The following ZSCAN10 variants were observed in gnomAD, a reference collection of about 807,000 sequenced individuals.
ZSCAN10 encodes the protein zinc finger and SCAN domain-containing protein 10.
A neutral mutation model predicts 63.7 loss-of-function variants in ZSCAN10; 52 were observed. The ratio of observed to expected loss-of-function variants is 0.82; its 90% CI spans 0.65 to 1.03. The LOEUF (loss-of-function observed/expected upper bound fraction) is 1.03, where lower values mean the gene tolerates loss of function less well. Among genes scored for constraint, ZSCAN10 ranks in the 50% least tolerant of loss-of-function variants. ZSCAN10 has a pLI of 0.00. For synonymous variants in ZSCAN10, 544 were observed against 479.6 expected (o/e 1.13, Z -1.76); for missense variants, 1,223 against 1,103.8 (o/e 1.11, Z -1.53).
chr16:3,091,846 G>A lies in ZSCAN10; in HGVS notation c.665-18C>T, dbSNP rs1318458255. 2 of 1,575,668 alleles carry A rather than the reference G, an allele frequency of 1.3e-6. No homozygotes were observed. The highest frequency in any genetic ancestry group is 2.3e-5 in the South Asian group (2 of 86,640). Reference sequence around the variant, plus strand: ...CTGGGGACCTGACGGCATTGGGGAAGAGGGGAGGAAGTGCTGTTAGAAGGC... The same window carrying A: ...CTGGGGACCTGACGGCATTGGGGAAAAGGGGAGGAAGTGCTGTTAGAAGGC... On this transcript the variant is annotated intron_variant, in intron 3 of 5. Transcript: ENST00000576985.
In ZSCAN10 at chr16:3,089,938, G is replaced by C. The variant is rs1424334545; in HGVS notation, c.1496C>G (p.Ala499Gly). The change falls in exon 6 of 6, where the codon GCC (alanine) becomes GGC (glycine). Residue 499 changes from alanine to glycine, a missense_variant. Ala to Gly is a moderately conservative substitution (Grantham distance 60). Transcript: ENST00000576985. The stretch of plus-strand genomic sequence containing the variant: ...GGAGGACCGGCGGTCCTTGTCCCTG[G>C]CGTGGATCCGCAGGTGGCGCTTGAG... Reference protein sequence around the residue: ...SSLKRHLRIHARDKDRRSSEG... With the variant: ...SSLKRHLRIHGRDKDRRSSEG... 6.5e-7 allele frequency: 1 copy of C among 1,539,532 alleles called. No homozygotes were observed. Among genetic ancestry groups the C allele is most frequent in the Admixed American group, 2.0e-5 (1 of 50,932 alleles).
intron 1 of ZSCAN10, among the ~76,000 whole-genome samples, chr16:3,097,579 T>G (rs777993996): frequency 6.6e-6 from 1 of 151,858 alleles, no homozygotes. Flanking sequence ...TGTGTGAGAG[T>G]GTAACCACCC....
chr16:3,091,892 T>G lies in ZSCAN10; in HGVS notation c.665-64A>C, dbSNP rs1031742164. On this transcript the variant is annotated intron_variant, in intron 3 of 5. Transcript: ENST00000576985. ...AAGGCAGCCCTGCCTGCCATATGGCTGCAAGGACACACACCGCATCATCCG... is the reference window on the plus strand; with the variant it reads ...AAGGCAGCCCTGCCTGCCATATGGCGGCAAGGACACACACCGCATCATCCG... 2.5e-6 allele frequency: 4 copies of G among 1,593,128 alleles called. No homozygotes were observed. The African/African-American group carries it at 4.1e-5, about 16-fold the overall frequency.
Position 3,089,209 on chromosome 16 carries a change from T to C in ZSCAN10, c.2225A>G (p.His742Arg). Residue 742 changes from histidine to arginine, a missense_variant, in exon 6 of 6, where the codon CAC (histidine) becomes CGC (arginine). His to Arg is a conservative substitution (Grantham distance 29). Coordinates refer to ENST00000576985, the MANE Select transcript of ZSCAN10 (RefSeq NM_032805.3). Reference sequence around the variant, plus strand: ...CCTGGCGCCCGTGTGCACCAGCAGGTGTCGCAGCAGATTGCAGCTGCGGCT... The same window carrying C: ...CCTGGCGCCCGTGTGCACCAGCAGGCGTCGCAGCAGATTGCAGCTGCGGCT... The part of the protein sequence containing the change: ...SFSRSCNLLR[H>R]LLVHTGARPY... 1.9e-6 allele frequency: 3 copies of C among 1,584,018 alleles called. No homozygotes were observed. The highest frequency in any genetic ancestry group is 2.6e-6 in the Non-Finnish European group (3 of 1,172,134).
intron 1 of ZSCAN10, among the ~76,000 whole-genome samples, chr16:3,097,584 C>T (rs1461306281): frequency 6.6e-6 from 1 of 152,164 alleles, no homozygotes; most frequent in Non-Finnish European, 1.5e-5. Context: ...GAGAGTGTAA[C>T]CACCCCCGAG....
rs1341426857 is a variant in ZSCAN10 at position 3,090,366 on chromosome 16, G to A, written c.1068C>T (p.Phe356=). The change falls in exon 6 of 6, where the codon TTC becomes TTT. Residue 356 remains phenylalanine, a synonymous_variant. Coordinates refer to ENST00000576985, the MANE Select transcript of ZSCAN10 (RefSeq NM_032805.3). ...QFICADCGVS[F]PQLSRLKAHQ... is the part of the protein sequence containing the mutation. ...GCGCCTTCAGGCGAGACAGCTGCGG[G>A]AAGCTCACCCCGCAGTCCGCGCAGA... 3 of 1,612,578 alleles carry A rather than the reference G, an allele frequency of 1.9e-6. No homozygotes were observed. Among genetic ancestry groups the A allele is most frequent in the African/African-American group, 1.3e-5 (1 of 74,930 alleles).
rs761747453 is a variant in ZSCAN10, at chr16:3,092,773, G to C, written c.165C>G (p.Asp55Glu). The change falls in exon 2 of 6, where the codon GAC becomes GAG. Residue 55 changes from aspartate (D) to glutamate (E), a missense_variant. Transcript: ENST00000576985. ...QLFRCFQYQE[D>E]MGPRASLSRL... ...GGCTCAGGGACGCCCGTGGCCCCATGTCCTCCTGATACTGGAAGCATCTGA... is the reference window on the plus strand; with the variant it reads ...GGCTCAGGGACGCCCGTGGCCCCATCTCCTCCTGATACTGGAAGCATCTGA... 6.2e-7 allele frequency: 1 copy of C among 1,601,528 alleles called. No individual in the cohort carries two copies. The highest frequency in any genetic ancestry group is 1.7e-5 in the Admixed American group (1 of 57,822).
intron 5 of ZSCAN10, among the ~76,000 whole-genome samples, chr16:3,091,180 C>T (rs1957069632): frequency 6.6e-6 from 1 of 152,174 alleles, no homozygotes; most frequent in Non-Finnish European, 1.5e-5. Flanking sequence ...GGCGTGGTGG[C>T]ACACACCTAT....
At chr16:3,095,642 C>T (rs1957143432) in intron 1 of ZSCAN10, among the ~76,000 whole-genome samples, 1 of 151,770 alleles carries the variant, frequency 6.6e-6, no homozygotes, top group Non-Finnish European at 1.5e-5. Flanking sequence ...TCCTGGTTAA[C>T]ACGGTGAAAC....
Position 3,089,784 on chromosome 16 carries a change from G to T in ZSCAN10, c.1650C>A (p.Phe550Leu), listed in dbSNP as rs1957041167. Residue 550 changes from phenylalanine to leucine, a missense_variant, in exon 6 of 6, where the codon TTC (phenylalanine) becomes TTA (leucine). Physicochemically the swap from Phe to Leu is conservative, Grantham distance 22 (BLOSUM62 0). Coordinates refer to ENST00000576985, the MANE Select transcript of ZSCAN10 (RefSeq NM_032805.3). ...HRRVHTGERP[F>L]SCQACGRSFT... ...AGCTGCGGCCGCAAGCCTGGCAGGA[G>T]AAGGGCCGCTCGCCCGTGTGCACCC... The T allele has an allele frequency of 1.3e-6, 2 of 1,594,116 alleles. No homozygotes were observed. The highest frequency in any genetic ancestry group is 2.7e-5 in the African/African-American group (2 of 74,804).
chr16:3,091,860 C>T (rs1364424939), intron 3 of ZSCAN10, 32 bp from the exon 4 acceptor site: 2 of 1,578,168 alleles, frequency 1.3e-6, no homozygotes, highest in South Asian at 1.1e-5. Context: ...GGAGGAAGTG[C>T]TGTTAGAAGG....
At position 3,092,068 on chromosome 16, in the gene ZSCAN10, G is replaced by A. The variant is rs2151216124; in HGVS notation, c.645C>T (p.Phe215=). 6.4e-7 allele frequency: 1 copy of A among 1,573,374 alleles called. No individual in the cohort carries two copies. The highest frequency in any genetic ancestry group is 8.6e-7 in the Non-Finnish European group (1 of 1,158,700). Residue 215 remains phenylalanine (F), a synonymous_variant, in exon 3 of 6, where the codon TTC becomes TTT. Coordinates refer to ENST00000576985, the MANE Select transcript of ZSCAN10 (RefSeq NM_032805.3). ...QPLSPGPQKT[F]QALQESSPQG... ...CCTCACTGCTTTCTTGCAGGGCCTG[G>A]AATGTCTTCTGGGGCCCCGGGCTCA...
chr16:3,096,079 G>A (rs576327270), intron 1 of ZSCAN10, among the ~76,000 whole-genome samples: 1 of 152,136 alleles, frequency 6.6e-6, no homozygotes, highest in Non-Finnish European at 1.5e-5. Context: ...CCCAATCTAG[G>A]GCTGTGGGGC....
At chr16:3,091,121 G>T (rs1191275775) in intron 5 of ZSCAN10, among the ~76,000 whole-genome samples, 1 of 151,826 alleles carries the variant, frequency 6.6e-6, no homozygotes, top group Non-Finnish European at 1.5e-5. Context: ...GAGGGTGGAG[G>T]TCAAACAAGG....
chr16:3,094,546 T>C (rs1957130898), intron 1 of ZSCAN10, among the ~76,000 whole-genome samples: 1 of 152,200 alleles, frequency 6.6e-6, no homozygotes, highest in South Asian at 2.1e-4. Flanking sequence ...GGTTTCACCA[T>C]GTTGGCCAGG....
rs2151220253 is a variant in ZSCAN10 at position 3,099,265 on chromosome 16, C to T, written c.-143G>A. ...ACTCCAGGGCCAAAGCCAGCCTCCG[C>T]CAGCCTGGGGAAGGGCTCTGGGAAA... On this transcript the variant is annotated 5_prime_UTR_variant, in exon 1 of 6. Transcript: ENST00000576985. 6.6e-6 allele frequency: 1 copy of T among 152,632 alleles called. No homozygotes were observed. Among genetic ancestry groups the T allele is most frequent in the East Asian group, 1.9e-4 (1 of 5,196 alleles). 9.5% of individuals were successfully genotyped at this position (152,632 alleles called of 1,614,324 possible). A position where few individuals can be genotyped will look rare whatever the true frequency, so the allele number is the denominator to read the frequency against.
chr16:3,092,629 G>A lies in ZSCAN10; in HGVS notation c.309C>T (p.Arg103=). ...LSVLPPHLLG[R]LQGQPLRDGE... Reference sequence around the variant, plus strand: ...CATCCCTGAGCGGCTGCCCCTGCAGGCGGCCCAGGAGGTGCGGAGGCAGCA... The same window carrying A: ...CATCCCTGAGCGGCTGCCCCTGCAGACGGCCCAGGAGGTGCGGAGGCAGCA... Residue 103 remains arginine, a synonymous_variant, in exon 2 of 6, where the codon CGC becomes CGT. Coordinates refer to ENST00000576985, the MANE Select transcript of ZSCAN10 (RefSeq NM_032805.3). 1 of 1,608,154 alleles carries A rather than the reference G, an allele frequency of 6.2e-7. No individual in the cohort carries two copies. The highest frequency in any genetic ancestry group is 8.5e-7 in the Non-Finnish European group (1 of 1,177,884).
Position 3,092,882 on chromosome 16 carries a change from TTGACTTCCC to T in ZSCAN10, c.47_55del (p.Gly16_Lys19delinsGlu). The T allele has an allele frequency of 6.9e-7, 1 of 1,443,628 alleles. No homozygotes were observed. Among genetic ancestry groups the T allele is most frequent in the South Asian group, 1.5e-5 (1 of 67,932 alleles). The allele number at this position is 1,443,628 out of a possible 1,614,324, so 89.4% of individuals were successfully genotyped here. On this transcript the variant is annotated inframe_deletion, in exon 2 of 6. Coordinates refer to ENST00000576985, the MANE Select transcript of ZSCAN10 (RefSeq NM_032805.3). The stretch of plus-strand genomic sequence containing the variant: ...GCTGACAGCCTCCTCCTCCTCCAGC[TTGACTTCCC>T]CCAGCTGCTCCTGCTCCACGGCAGC...
At chr16:3,090,674 T>G (rs895077989) in intron 5 of ZSCAN10, 28 bp from the exon 6 acceptor site, 29 of 1,502,342 alleles carry the variant, frequency 1.9e-5, no homozygotes, top group Non-Finnish European at 2.6e-5. Flanking sequence ...ACAGGGACGG[T>G]CAGGCCTATT....
Sources: gnomAD v4.1 joint callset for allele counts (sites outside exome capture counted in the v4.1 genomes callset) on GRCh38, gnomAD v4.1.1 for gene constraint, MANE v1.5 for transcripts, NCBI Gene and HGNC (gene_info 2026-07-23, HGNC 2026-07-21) for gene names.